Variants in RNF144A observed in about 807,000 individuals in gnomAD.
The protein encoded by RNF144A is ring finger protein 144A, also known as E3 ubiquitin-protein ligase RNF144A.
In RNF144A, 11 loss-of-function variants were observed where a neutral mutation model predicts 38.7. The ratio of observed to expected loss-of-function variants is 0.28; its 90% CI spans 0.18 to 0.47. The LOEUF (loss-of-function observed/expected upper bound fraction) is 0.47, where lower values mean the gene tolerates loss of function less well. Among genes scored for constraint, RNF144A ranks in the 20% least tolerant of loss-of-function variants. The pLI, the probability that RNF144A is intolerant of heterozygous loss-of-function variation, is 0.99. For missense variants in RNF144A, 316 were observed against 377.2 expected (o/e 0.84, Z 1.34); for synonymous variants, 149 against 143.9 (o/e 1.04, Z -0.25).
Position 7,040,095 on chromosome 2 carries a change from C to T in RNF144A, c.*335C>T. 1 of 1,040,220 alleles carries T rather than the reference C, an allele frequency of 9.6e-7. No homozygotes were observed. Among genetic ancestry groups the T allele is most frequent in the Non-Finnish European group, 1.2e-6 (1 of 865,620 alleles). 64.4% of individuals were successfully genotyped at this position (1,040,220 alleles called of 1,614,324 possible). Reference sequence around the variant, plus strand: ...GGGATGGCCTAAGAGACTTTCTGCTCCTTGGCTTCTAGATGGCACCATGTT... The same window carrying T: ...GGGATGGCCTAAGAGACTTTCTGCTTCTTGGCTTCTAGATGGCACCATGTT... On this transcript the variant is annotated 3_prime_UTR_variant, in exon 9 of 9. Coordinates refer to ENST00000320892, the MANE Select transcript of RNF144A (RefSeq NM_014746.6).
chr2:7,020,883 CT>C, intron 6 of RNF144A: 1 of 584,172 alleles, frequency 1.7e-6, no homozygotes, highest in Non-Finnish European at 3.0e-6. Context: ...GTACCAGGCA[CT>C]GTGTGAGGCC....
At chr2:7,034,915 G>A (rs1337374322) in intron 8 of RNF144A, among the ~76,000 whole-genome samples, 1 of 152,122 alleles carries the variant, frequency 6.6e-6, no homozygotes, top group Non-Finnish European at 1.5e-5. Context: ...CCTTGGAGAG[G>A]GTGTGGTGTC....
chr2:7,032,643 C>T (rs1028263359), intron 8 of RNF144A, among the ~76,000 whole-genome samples: 4 of 152,234 alleles, frequency 2.6e-5, no homozygotes, highest in South Asian at 2.1e-4. Context: ...CTTCCCTGTG[C>T]GTCTCCACCT....
rs1302101981 is a variant in RNF144A, at chr2:6,944,807, C to A, written c.-12+3660C>A. 6.6e-6 allele frequency among the ~76,000 whole-genome samples: 1 copy of A among 152,180 alleles called. No homozygotes were observed. The highest frequency in any genetic ancestry group is 1.9e-4 in the East Asian group (1 of 5,192). On this transcript the variant is annotated intron_variant, in intron 2 of 8. Transcript: ENST00000320892. This position sits in a 1 kb window ranked among gnomAD's most constrained non-coding sequence, Gnocchi z 4.7. ...ATCTGTCTCAAACAAATTCCAAGAA[C>A]TGTGAAATGGCTTCATATTCACAAA...
At chr2:6,922,192 C>T (rs115008554) in intron 1 of RNF144A, among the ~76,000 whole-genome samples, 2,010 of 152,218 alleles carry the variant, frequency 0.013, 38 homozygotes, top group African/African-American at 0.046. Context: ...ATTGTTTTTA[C>T]AGTCAGTCAC....
At chr2:7,044,190 C>T, downstream of RNF144A, 1 of 985,486 alleles carries the variant, frequency 1.0e-6, no homozygotes, top group Non-Finnish European at 1.2e-6. Context: ...CCCCGCGTGG[C>T]TCCGTCTTTT....
downstream of RNF144A, among the ~76,000 whole-genome samples, chr2:7,069,643 T>A (rs1330412459): frequency 6.6e-6 from 1 of 152,222 alleles, no homozygotes; most frequent in Non-Finnish European, 1.5e-5. Context: ...ATGAATCTTA[T>A]CCATTTGTAA....
At chr2:6,981,034 A>G (rs1222758276) in intron 2 of RNF144A, among the ~76,000 whole-genome samples, 1 of 152,232 alleles carries the variant, frequency 6.6e-6, no homozygotes, top group Non-Finnish European at 1.5e-5. Context: ...CTACAGCTGT[A>G]GCAGCTGGAA....
intron 2 of RNF144A, among the ~76,000 whole-genome samples, chr2:6,977,210 G>T (rs1668367823): frequency 6.6e-6 from 1 of 152,228 alleles, no homozygotes; most frequent in South Asian, 2.1e-4. Context: ...AATAAGCCCT[G>T]TCGTTCTCCA....
chr2:7,066,037 C>A (rs1272977852), intron 6 of RNF144A, among the ~76,000 whole-genome samples: 1 of 150,886 alleles, frequency 6.6e-6, no homozygotes, highest in Non-Finnish European at 1.5e-5. Context: ...ATTGCTGGTT[C>A]TTTAATGTTT....
intron 1 of RNF144A, among the ~76,000 whole-genome samples, chr2:6,934,231 CT>C (rs956308246): frequency 6.6e-5 from 10 of 152,144 alleles, no homozygotes; most frequent in Admixed American, 1.3e-4. Flanking sequence ...AATATGGTAT[CT>C]TTTTACTTCA....
chr2:6,933,754 A>G (rs1338535501), intron 1 of RNF144A, among the ~76,000 whole-genome samples: 1 of 151,992 alleles, frequency 6.6e-6, no homozygotes, highest in Non-Finnish European at 1.5e-5. Flanking sequence ...ATCATAGTGT[A>G]TACATATTTT....
chr2:7,075,102 T>C, the RNF144A span, among the ~76,000 whole-genome samples: 1 of 152,188 alleles, frequency 6.6e-6, no homozygotes, highest in South Asian at 2.1e-4. Flanking sequence ...ACAGTGTGGA[T>C]GGTGGATGGC....
intron 6 of RNF144A, among the ~76,000 whole-genome samples, chr2:7,055,896 C>G (rs1451262931): frequency 4.6e-5 from 7 of 152,106 alleles, no homozygotes; most frequent in Non-Finnish European, 1.0e-4. Context: ...CACTTGCTTC[C>G]TCTCATTGTT....
chr2:7,051,909 T>C (rs1191404853), intron 6 of RNF144A, among the ~76,000 whole-genome samples: 2 of 152,182 alleles, frequency 1.3e-5, no homozygotes, highest in Non-Finnish European at 2.9e-5. Context: ...CTGAGCTTAG[T>C]GCTGACTTCC....
intron 8 of RNF144A, among the ~76,000 whole-genome samples, chr2:7,031,228 AC>A (rs970905031): frequency 1.3e-5 from 2 of 151,934 alleles, no homozygotes; most frequent in African/African-American, 2.4e-5. Context: ...TTGATAAAGG[AC>A]CCTCGTGTTG....
intron 7 of RNF144A, among the ~76,000 whole-genome samples, chr2:7,027,303 A>G (rs1671972533): frequency 6.6e-6 from 1 of 152,180 alleles, no homozygotes; most frequent in South Asian, 2.1e-4. Context: ...TTTGCTATTT[A>G]CTGTAAAAAG....
chr2:6,991,424 T>G (rs1033340643), intron 2 of RNF144A, among the ~76,000 whole-genome samples: 2 of 152,204 alleles, frequency 1.3e-5, no homozygotes, highest in African/African-American at 2.4e-5. Flanking sequence ...AATCTGTACG[T>G]GCTCAAGTTA....
At chr2:7,068,359 GTGAAAATGGTGGTAGGATCTAA>G (rs1674319594), downstream of RNF144A, 2 of 702,984 alleles carry the variant, frequency 2.8e-6, no homozygotes, top group Non-Finnish European at 4.5e-6. Flanking sequence ...AAACTTTATA[GTGAAAATGGTGGTAGGATCTAA>G]TGATTGGCTT....
Sources: allele counts gnomAD v4.1 joint callset (sites outside exome capture counted in the v4.1 genomes callset), GRCh38; gene constraint gnomAD v4.1.1; non-coding constraint Gnocchi (gnomAD v3.1); transcripts MANE v1.5; gene names NCBI Gene and HGNC (gene_info 2026-07-23, HGNC 2026-07-21).